Variants in USP15 observed in about 807,000 individuals in gnomAD.
The protein encoded by USP15 is ubiquitin carboxyl-terminal hydrolase 15.
A neutral mutation model predicts 127.1 loss-of-function variants in USP15; 18 were observed. That is an observed-to-expected ratio of 0.14 (90% confidence interval 0.10 to 0.21). The LOEUF (loss-of-function observed/expected upper bound fraction) is 0.21, where lower values mean the gene tolerates loss of function less well. Among genes scored for constraint, USP15 ranks in the 10% least tolerant of loss-of-function variants. USP15 has a pLI of 1.00. For synonymous variants in USP15, 364 were observed against 393.7 expected, an observed-to-expected ratio of 0.92 and a Z score of 0.89; for missense variants, 805 against 1,159.9, an observed-to-expected ratio of 0.69 and a Z score of 4.44.
chr12:62,319,056 A>G (rs186159297), intron 4 of USP15, among the ~76,000 whole-genome samples: 1 of 152,286 alleles, frequency 6.6e-6, no homozygotes, highest in East Asian at 1.9e-4. Context: ...TTATGAAGAA[A>G]AGAGGTTTAA....
chr12:62,409,791 G>A lies in USP15; in HGVS notation c.*5416G>A, dbSNP rs1209426340. ...ACACATACTTAACATTTCCCAAGCTGTTGTTTTAAACCTTAAACATCACCA... is the reference window on the plus strand; with the variant it reads ...ACACATACTTAACATTTCCCAAGCTATTGTTTTAAACCTTAAACATCACCA... On this transcript the variant is annotated 3_prime_UTR_variant, in exon 22 of 22. Coordinates refer to ENST00000280377, the MANE Select transcript of USP15 (RefSeq NM_001252078.2). 1 of 151,980 alleles carries A rather than the reference G, an allele frequency of 6.6e-6. No individual in the cohort carries two copies. Among genetic ancestry groups the A allele is most frequent in the Non-Finnish European group, 1.5e-5 (1 of 67,968 alleles). The allele number at this position is 151,980 out of a possible 1,614,324, so 9.4% of individuals were successfully genotyped here.
intron 8 of USP15, among the ~76,000 whole-genome samples, chr12:62,380,106 C>T (rs545026231): frequency 2.0e-5 from 3 of 152,096 alleles, no homozygotes; most frequent in Admixed American, 6.5e-5. Context: ...AACATTTTAG[C>T]TGTTTTTATT....
At chr12:62,290,262 T>G (rs1312976228) in intron 1 of USP15, among the ~76,000 whole-genome samples, 1 of 152,210 alleles carries the variant, frequency 6.6e-6, no homozygotes, top group African/African-American at 2.4e-5. Context: ...TTCTTAGGTC[T>G]AGTAATATTA....
chr12:62,309,616 C>G (rs918041041), intron 3 of USP15, among the ~76,000 whole-genome samples: 2 of 152,024 alleles, frequency 1.3e-5, no homozygotes, highest in African/African-American at 2.4e-5. Flanking sequence ...AGAAAAATTA[C>G]AGGCTGGTCT....
At chr12:62,294,054 T>G (rs1424258461) in intron 1 of USP15, 125 bp from the exon 2 acceptor site, 23 of 1,003,374 alleles carry the variant, frequency 2.3e-5, no homozygotes, top group Non-Finnish European at 2.8e-5. Flanking sequence ...GGCATTACAG[T>G]TTTCAAATAT....
chr12:62,275,294 A>G (rs1475971086), intron 1 of USP15, among the ~76,000 whole-genome samples: 1 of 151,992 alleles, frequency 6.6e-6, no homozygotes, highest in South Asian at 2.1e-4. Context: ...TATGAATTAT[A>G]GGAGAATATA....
chr12:62,393,306 C>A, intron 19 of USP15, 104 bp downstream of exon 19: 1 of 1,328,084 alleles, frequency 7.5e-7, no homozygotes, highest in Non-Finnish European at 1.0e-6. Flanking sequence ...CCATTGGACC[C>A]AATTTCAGCT....
chr12:62,269,194 C>A (rs1286782577), intron 1 of USP15, among the ~76,000 whole-genome samples: 1 of 151,944 alleles, frequency 6.6e-6, no homozygotes, highest in Non-Finnish European at 1.5e-5. Flanking sequence ...TAAGGGGGTA[C>A]TTACACAAAT....
At chr12:62,397,518 T>C (rs538236744) in intron 20 of USP15, among the ~76,000 whole-genome samples, 4 of 152,336 alleles carry the variant, frequency 2.6e-5, no homozygotes, top group South Asian at 4.1e-4. Context: ...ATGCTTATAT[T>C]ACACTATTTT....
At chr12:62,310,871 C>T (rs1394399107) in intron 3 of USP15, among the ~76,000 whole-genome samples, 5 of 151,942 alleles carry the variant, frequency 3.3e-5, no homozygotes, top group Admixed American at 2.6e-4. Flanking sequence ...CCCTTTTCTC[C>T]GCATCTTCGC....
chr12:62,385,953 T>C (rs1191847406), intron 11 of USP15, among the ~76,000 whole-genome samples: 1 of 152,090 alleles, frequency 6.6e-6, no homozygotes, highest in Non-Finnish European at 1.5e-5. Context: ...TAATATAAGG[T>C]AATCTATATC....
intron 6 of USP15, among the ~76,000 whole-genome samples, chr12:62,344,344 T>C (rs1186822085): frequency 6.6e-6 from 1 of 152,164 alleles, no homozygotes; most frequent in Non-Finnish European, 1.5e-5. Context: ...GGCAGTCAAA[T>C]CTTAAAGCTC....
rs539335591 is a variant in USP15 at position 62,408,874 on chromosome 12, C to T, written c.*4499C>T. The stretch of plus-strand genomic sequence containing the variant: ...ATGTATGTGTTTTACGTGTTTAATT[C>T]GTATTTACTATATATTAAAAGAATT... On this transcript the variant is annotated 3_prime_UTR_variant, in exon 22 of 22. Transcript: ENST00000280377. 4.0e-5 allele frequency: 6 copies of T among 151,706 alleles called. No homozygotes were observed. Among genetic ancestry groups the T allele is most frequent in the East Asian group, 1.9e-4 (1 of 5,188 alleles). The allele number at this position is 151,706 out of a possible 1,614,324, so 9.4% of individuals were successfully genotyped here.
rs1210540583 is a variant in USP15 at position 62,383,932 on chromosome 12, G to A, written c.1182G>A (p.Glu394=). 3 of 1,612,644 alleles carry A rather than the reference G, an allele frequency of 1.9e-6. No homozygotes were observed. In the African/African-American group the frequency reaches 4.0e-5, roughly 22 times the overall value. ...CTTTCCTATTAGATGGATTACATGA[G>A]GATTTGAATAGAATTAGGAAAAAAC... The part of the protein sequence containing the change: ...LLAFLLDGLH[E]DLNRIRKKPY... The change falls in exon 10 of 22, where the codon GAG becomes GAA. Residue 394 remains glutamate, a synonymous_variant. Coordinates refer to ENST00000280377, the MANE Select transcript of USP15 (RefSeq NM_001252078.2).
chr12:62,300,980 A>T (rs2131434), intron 2 of USP15, among the ~76,000 whole-genome samples: 46,605 of 151,878 alleles, frequency 0.31, 7,360 homozygotes, highest in African/African-American at 0.38. Context: ...ATCATGTAGC[A>T]GATAAAAGAC....
intron 6 of USP15, among the ~76,000 whole-genome samples, chr12:62,330,735 A>G (rs2065267373): frequency 1.3e-5 from 2 of 150,602 alleles, no homozygotes; most frequent in Admixed American, 1.3e-4. Flanking sequence ...ACTCTGTGCA[A>G]CATAACAAGA....
chr12:62,292,051 G>T (rs1039029768), intron 1 of USP15, among the ~76,000 whole-genome samples: 3 of 151,566 alleles, frequency 2.0e-5, no homozygotes, highest in African/African-American at 7.3e-5. Flanking sequence ...CTGATGACTG[G>T]CAGAGGCACC....
At chr12:62,348,953 A>G (rs1222275494) in intron 6 of USP15, among the ~76,000 whole-genome samples, 1 of 152,146 alleles carries the variant, frequency 6.6e-6, no homozygotes, top group Non-Finnish European at 1.5e-5. Flanking sequence ...AAATGGGTAT[A>G]TGTAGTTAGT....
chr12:62,392,849 A>G (rs1370582410), intron 18 of USP15, among the ~76,000 whole-genome samples: 1 of 152,166 alleles, frequency 6.6e-6, no homozygotes, highest in African/African-American at 2.4e-5. Flanking sequence ...TTATTTGTAT[A>G]TTAATTTGTA....
Sources: allele counts gnomAD v4.1 joint callset (sites outside exome capture counted in the v4.1 genomes callset), GRCh38; gene constraint gnomAD v4.1.1; transcripts MANE v1.5; gene names NCBI Gene and HGNC (gene_info 2026-07-23, HGNC 2026-07-21).